Variants in SPAG16 observed in about 807,000 individuals in gnomAD.
SPAG16 encodes sperm associated antigen 16.
A neutral mutation model predicts 80.4 loss-of-function variants in SPAG16; 86 were observed. The observed-to-expected ratio is 1.07, with a 90% CI of 0.90 to 1.28. SPAG16 has a LOEUF of 1.28. Among genes scored for constraint, SPAG16 ranks in the 50% most tolerant of loss-of-function variants. The probability of loss-of-function intolerance (pLI) is 0.00; values close to 1 mark genes in which losing one functional copy is unlikely to be tolerated. For missense variants in SPAG16, 870 were observed against 765.3 expected (o/e 1.14, Z -1.61); for synonymous variants, 294 against 265.9 (o/e 1.11, Z -1.03).
At chr2:213,304,893 CT>C (rs1473785160) in intron 3 of SPAG16, among the ~76,000 whole-genome samples, 1 of 152,020 alleles carries the variant, frequency 6.6e-6, no homozygotes, top group African/African-American at 2.4e-5. Flanking sequence ...ATTATTTTTT[CT>C]GTTTCTATGA....
chr2:213,621,809 A>G (rs142040858), intron 10 of SPAG16, among the ~76,000 whole-genome samples: 1 of 152,358 alleles, frequency 6.6e-6, no homozygotes, highest in African/African-American at 2.4e-5. Context: ...TGATCTAAAG[A>G]TAGATCACAT....
At chr2:213,780,563 T>A (rs2125580338) in intron 10 of SPAG16, among the ~76,000 whole-genome samples, 1 of 132,640 alleles carries the variant, frequency 7.5e-6, no homozygotes, top group Non-Finnish European at 1.6e-5. Flanking sequence ...AACATTTTTC[T>A]TTTCTTTCTT....
chr2:214,261,641 A>G (rs566221733), intron 15 of SPAG16, among the ~76,000 whole-genome samples: 4 of 152,314 alleles, frequency 2.6e-5, no homozygotes, highest in South Asian at 4.1e-4. Context: ...TTGCTATTCA[A>G]ATAAAAGTAA....
chr2:214,292,200 A>G (rs1055025319), intron 15 of SPAG16, among the ~76,000 whole-genome samples: 3 of 152,096 alleles, frequency 2.0e-5, no homozygotes, highest in African/African-American at 7.2e-5. Flanking sequence ...CTGACTTTAG[A>G]TGGTTGGACT....
At chr2:213,728,073 T>A (rs1242116938) in intron 10 of SPAG16, among the ~76,000 whole-genome samples, 1 of 152,156 alleles carries the variant, frequency 6.6e-6, no homozygotes, top group African/African-American at 2.4e-5. Flanking sequence ...GGTCTCAAAC[T>A]CCTGACCTCA....
intron 15 of SPAG16, among the ~76,000 whole-genome samples, chr2:214,185,466 A>G (rs2057438134): frequency 6.6e-6 from 1 of 152,140 alleles, no homozygotes; most frequent in Admixed American, 6.6e-5. Context: ...CCTGTCTTAA[A>G]TGTCCCTGAA....
At chr2:213,453,718 G>C (rs974732283) in intron 9 of SPAG16, among the ~76,000 whole-genome samples, 3 of 152,166 alleles carry the variant, frequency 2.0e-5, no homozygotes, top group Non-Finnish European at 2.9e-5. Flanking sequence ...GTGTGGCACT[G>C]ATGGCCCACC....
chr2:213,404,263 C>A (rs1006635491), intron 9 of SPAG16, among the ~76,000 whole-genome samples: 2 of 152,090 alleles, frequency 1.3e-5, no homozygotes, highest in African/African-American at 2.4e-5. Context: ...AATCCTAAGC[C>A]AAAAGAACAA....
At chr2:214,154,194 A>G (rs2056109481) in intron 15 of SPAG16, among the ~76,000 whole-genome samples, 1 of 152,204 alleles carries the variant, frequency 6.6e-6, no homozygotes, top group Non-Finnish European at 1.5e-5. Flanking sequence ...ATGAACCATG[A>G]GAATTTATAT....
intron 10 of SPAG16, among the ~76,000 whole-genome samples, chr2:213,614,723 C>A (rs909380616): frequency 6.6e-6 from 1 of 152,176 alleles, no homozygotes; most frequent in Non-Finnish European, 1.5e-5. Context: ...CTGTGAAACT[C>A]TCTTATGCTT....
chr2:213,505,584 A>G, intron 10 of SPAG16, among the ~76,000 whole-genome samples: 1 of 152,206 alleles, frequency 6.6e-6, no homozygotes, highest in East Asian at 1.9e-4. Flanking sequence ...GCTAAATAAT[A>G]CATAATTACG....
chr2:213,852,657 G>A (rs1217221114), intron 10 of SPAG16, among the ~76,000 whole-genome samples: 1 of 152,106 alleles, frequency 6.6e-6, no homozygotes, highest in Non-Finnish European at 1.5e-5. Flanking sequence ...CAGCTAGGAG[G>A]TCATGTTTTC....
chr2:214,237,118 T>A (rs114301210), intron 15 of SPAG16, among the ~76,000 whole-genome samples: 2,488 of 152,250 alleles, frequency 0.016, 42 homozygotes, highest in African/African-American at 0.037. Flanking sequence ...GGGACAGCAA[T>A]CACATAGCAA....
intron 10 of SPAG16, among the ~76,000 whole-genome samples, chr2:213,663,165 A>C (rs1559354880): frequency 6.6e-6 from 1 of 152,112 alleles, no homozygotes; most frequent in African/African-American, 2.4e-5. Context: ...AACATCTGCC[A>C]GTTCACAGAA....
intron 10 of SPAG16, among the ~76,000 whole-genome samples, chr2:213,644,245 T>A (rs1240610805): frequency 6.6e-6 from 1 of 152,110 alleles, no homozygotes; most frequent in African/African-American, 2.4e-5. Flanking sequence ...TCTGAATTCC[T>A]TCTCTGTGTT....
chr2:213,897,160 T>C (rs1254821489), intron 11 of SPAG16, among the ~76,000 whole-genome samples: 2 of 152,172 alleles, frequency 1.3e-5, no homozygotes, highest in Non-Finnish European at 2.9e-5. Flanking sequence ...TATATGAGTG[T>C]ATTAAATTAT....
At chr2:214,310,631 A>G (rs963095889) in intron 15 of SPAG16, among the ~76,000 whole-genome samples, 1 of 152,136 alleles carries the variant, frequency 6.6e-6, no homozygotes, top group African/African-American at 2.4e-5. Context: ...TGAGGTTTCC[A>G]GGGTGGTAAA....
intron 15 of SPAG16, among the ~76,000 whole-genome samples, chr2:214,260,285 A>G (rs1691044163): frequency 6.6e-6 from 1 of 152,158 alleles, no homozygotes; most frequent in African/African-American, 2.4e-5. Flanking sequence ...CCAGGCAACT[A>G]AATACCACTT....
At chr2:214,323,241 T>C (rs1296727172) in intron 15 of SPAG16, among the ~76,000 whole-genome samples, 3 of 152,146 alleles carry the variant, frequency 2.0e-5, no homozygotes, top group African/African-American at 7.2e-5. Flanking sequence ...TTCAGATTGC[T>C]TTTAAAGGGT....
Sources: gnomAD v4.1 joint callset for allele counts (sites outside exome capture counted in the v4.1 genomes callset) on GRCh38, gnomAD v4.1.1 for gene constraint, MANE v1.5 for transcripts, NCBI Gene and HGNC (gene_info 2026-07-23, HGNC 2026-07-21) for gene names.